The following P2RY14 variants were observed in gnomAD, a reference collection of about 807,000 sequenced individuals.
P2RY14 encodes purinergic receptor P2Y14, also known as P2Y purinoceptor 14.
In P2RY14, 2 loss-of-function variants were observed where a neutral mutation model predicts 0.9. The observed-to-expected ratio is 2.16, with a 90% CI of 0.88 to 6.79. P2RY14 has a LOEUF of 6.79. Among genes scored for constraint, P2RY14 ranks in the 30% most tolerant of loss-of-function variants. P2RY14 has a pLI of 0.05. For missense variants in P2RY14, 378 were observed against 400.1 expected, an observed-to-expected ratio of 0.94 and a Z score of 0.47; for synonymous variants, 158 against 147.2, an observed-to-expected ratio of 1.07 and a Z score of -0.53.
At chr3:151,224,217 T>A (rs1730011611) in intron 1 of P2RY14, among the ~76,000 whole-genome samples, 1 of 152,212 alleles carries the variant, frequency 6.6e-6, no homozygotes, top group African/African-American at 2.4e-5. Flanking sequence ...TTTTTTCAGT[T>A]CTTATAAAGG....
At chr3:151,268,115 A>T (rs1243847544) in intron 1 of P2RY14, among the ~76,000 whole-genome samples, 2 of 152,106 alleles carry the variant, frequency 1.3e-5, no homozygotes, top group Non-Finnish European at 2.9e-5. Context: ...ACTTCTTTTT[A>T]TGTTTTCAGC....
chr3:151,223,184 A>AAAAC (rs1729750681), intron 1 of P2RY14, among the ~76,000 whole-genome samples: 2 of 151,102 alleles, frequency 1.3e-5, no homozygotes, highest in Non-Finnish European at 2.9e-5. Flanking sequence ...CCAAAAAAAA[A>AAAAC]AAAAAACTAG....
chr3:151,262,905 G>A (rs1739163724), intron 1 of P2RY14, among the ~76,000 whole-genome samples: 1 of 152,158 alleles, frequency 6.6e-6, no homozygotes, highest in Admixed American at 6.6e-5. Context: ...GCTTGGTGAG[G>A]TTAAGCATTT....
chr3:151,252,672 T>C (rs1365563051), intron 1 of P2RY14, among the ~76,000 whole-genome samples: 1 of 152,228 alleles, frequency 6.6e-6, no homozygotes, highest in East Asian at 1.9e-4. Flanking sequence ...AATATGTTCA[T>C]TTTTATTTTT....
chr3:151,224,479 A>G (rs992475894), intron 1 of P2RY14, among the ~76,000 whole-genome samples: 4 of 151,142 alleles, frequency 2.6e-5, no homozygotes, highest in South Asian at 2.1e-4. Context: ...GTGATCGCCT[A>G]TGCGGTTTTC....
intron 1 of P2RY14, among the ~76,000 whole-genome samples, chr3:151,277,261 G>A (rs1260537077): frequency 6.6e-6 from 1 of 151,508 alleles, no homozygotes; most frequent in Non-Finnish European, 1.5e-5. Flanking sequence ...ATATACCAAT[G>A]TGTTAATTGT....
chr3:151,256,737 A>C (rs1006674805), intron 1 of P2RY14, among the ~76,000 whole-genome samples: 3 of 152,090 alleles, frequency 2.0e-5, no homozygotes, highest in African/African-American at 7.2e-5. Context: ...TTCTTAGGTA[A>C]GGAGAACAAA....
chr3:151,250,416 C>T (rs1736610474), intron 1 of P2RY14, among the ~76,000 whole-genome samples: 2 of 152,150 alleles, frequency 1.3e-5, no homozygotes, highest in African/African-American at 4.8e-5. Context: ...AATTCTGTAC[C>T]CATTAAATAA....
intron 1 of P2RY14, among the ~76,000 whole-genome samples, chr3:151,256,049 G>T (rs910165483): frequency 9.2e-5 from 14 of 152,238 alleles, no homozygotes; most frequent in African/African-American, 3.1e-4. Flanking sequence ...TTTCAAAACT[G>T]CATGGTTCAA....
At chr3:151,269,793 A>G (rs1740534566) in intron 1 of P2RY14, 3 of 421,158 alleles carry the variant, frequency 7.1e-6, no homozygotes, top group South Asian at 5.4e-5. Context: ...CTGAAGTCAA[A>G]TGCAAATCTG....
intron 1 of P2RY14, among the ~76,000 whole-genome samples, chr3:151,242,503 G>GC: frequency 6.6e-6 from 1 of 152,306 alleles, no homozygotes; most frequent in Non-Finnish European, 1.5e-5. Flanking sequence ...CCCAGCAGGG[G>GC]CACACTGACA....
intron 1 of P2RY14, among the ~76,000 whole-genome samples, chr3:151,272,797 A>G (rs1347016182): frequency 6.6e-6 from 1 of 151,966 alleles, no homozygotes; most frequent in Non-Finnish European, 1.5e-5. Flanking sequence ...TCAACTATGT[A>G]CCAGGCATGA....
At chr3:151,242,983 A>G (rs1320807821) in intron 1 of P2RY14, among the ~76,000 whole-genome samples, 3 of 151,866 alleles carry the variant, frequency 2.0e-5, no homozygotes, top group African/African-American at 7.3e-5. Flanking sequence ...AAGCCTCAGG[A>G]GCCCATGCGA....
Position 151,213,653 on chromosome 3 carries a change from G to A in P2RY14, c.664C>T (p.Arg222Trp), listed in dbSNP as rs768110075. Residue 222 changes from arginine (R) to tryptophan (W), a missense_variant, in exon 3 of 3, where the codon CGG (arginine) becomes TGG (tryptophan). Arg to Trp is a moderately radical substitution (Grantham distance 101, BLOSUM62 -3). Transcript: ENST00000309170. ...TTCTTTTTGACCGAAGTGGAATTCC[G>A]ACTTGACTTAAGGTGGGACTTAAAG... is the stretch of plus-strand genomic sequence containing the variant. The part of the protein sequence containing the change: ...KIFKSHLKSS[R>W]NSTSVKKKSS... The A allele has an allele frequency of 4.3e-6, 7 of 1,614,118 alleles. No homozygotes were observed. The highest frequency in any genetic ancestry group is 1.7e-5 in the Admixed American group (1 of 60,020).
intron 1 of P2RY14, among the ~76,000 whole-genome samples, chr3:151,220,552 A>T (rs1247442981): frequency 6.6e-6 from 1 of 152,066 alleles, no homozygotes; most frequent in African/African-American, 2.4e-5. Flanking sequence ...CCAGTGGGAG[A>T]TGATTGAATT....
intron 1 of P2RY14, chr3:151,270,196 CGTGTGTGTGT>C (rs55920434): frequency 0.047 from 6,080 of 129,674 alleles, 161 homozygotes; most frequent in East Asian, 0.11. Flanking sequence ...AGCAAGCTGT[CGTGTGTGTGT>C]GTGTGTGTGT....
chr3:151,223,435 C>T (rs956008042), intron 1 of P2RY14, among the ~76,000 whole-genome samples: 2 of 152,196 alleles, frequency 1.3e-5, no homozygotes, highest in African/African-American at 4.8e-5. Context: ...GGCATAGAAT[C>T]AGCCTAGGTG....
At chr3:151,275,562 G>A (rs1741711698) in intron 1 of P2RY14, among the ~76,000 whole-genome samples, 1 of 152,122 alleles carries the variant, frequency 6.6e-6, no homozygotes, top group African/African-American at 2.4e-5. Context: ...TAAAGAACAG[G>A]TGGATTGAGA....
rs148237598 is a variant in P2RY14, at chr3:151,269,474, G to A, written c.-133+8813C>T. ...GAGACTTAATGAACAAGCCAGTGGG[G>A]AGATTGTGAAAGCAGAACAGAAGTA... On this transcript the variant is annotated intron_variant, in intron 1 of 2. Coordinates refer to ENST00000309170, the MANE Select transcript of P2RY14 (RefSeq NM_014879.4). The A allele has an allele frequency of 2.9e-3, 784 of 266,710 alleles. 12 individuals are homozygous for A. The highest frequency in any genetic ancestry group is 0.017 in the African/African-American group (729 of 42,664). The allele number at this position is 266,710 out of a possible 1,614,324, so 16.5% of individuals were successfully genotyped here. A position where few individuals can be genotyped will look rare whatever the true frequency, so the allele number is the denominator to read the frequency against.
Sources: allele counts gnomAD v4.1 joint callset (sites outside exome capture counted in the v4.1 genomes callset), GRCh38; gene constraint gnomAD v4.1.1; transcripts MANE v1.5; gene names NCBI Gene and HGNC (gene_info 2026-07-23, HGNC 2026-07-21).